Variants in CTNND2 observed in about 807,000 individuals in gnomAD.
CTNND2 encodes the protein catenin delta 2, also known as catenin delta-2.
In CTNND2, 22 loss-of-function variants were observed where a neutral mutation model predicts 144.4. That is an observed-to-expected ratio of 0.15 (90% CI 0.11 to 0.22). The LOEUF (loss-of-function observed/expected upper bound fraction) is 0.22, where lower values mean the gene tolerates loss of function less well. CTNND2 is among the 10% of genes least tolerant of loss of function. The pLI is 1.00. For synonymous variants in CTNND2, 751 were observed against 695.6 expected, an observed-to-expected ratio of 1.08 and a Z score of -1.25; for missense variants, 1,353 against 1,618.8, an observed-to-expected ratio of 0.84 and a Z score of 2.82.
chr5:11,052,876 T>G (rs1175821170), intron 16 of CTNND2, among the ~76,000 whole-genome samples: 1 of 152,136 alleles, frequency 6.6e-6, no homozygotes, highest in Non-Finnish European at 1.5e-5. Flanking sequence ...ACTTCGGGTT[T>G]GTATATTTTC....
At chr5:11,183,561 GT>G (rs397940050) in intron 11 of CTNND2, among the ~76,000 whole-genome samples, 165 of 142,280 alleles carry the variant, frequency 1.2e-3, no homozygotes, top group Middle Eastern at 3.7e-3. Flanking sequence ...TTTTTTTTTG[GT>G]TTTTTTTTTT....
intron 9 of CTNND2, among the ~76,000 whole-genome samples, chr5:11,295,030 C>T (rs550439776): frequency 3.9e-5 from 6 of 152,066 alleles, no homozygotes; most frequent in East Asian, 1.9e-4. Context: ...TAGGAAAAGA[C>T]GAAGTCAAAT....
At chr5:11,476,546 C>T (rs1019823246) in intron 3 of CTNND2, among the ~76,000 whole-genome samples, 1 of 152,110 alleles carries the variant, frequency 6.6e-6, no homozygotes, top group African/African-American at 2.4e-5. Context: ...TAAAAAACTC[C>T]ATACACTCAC....
At chr5:11,401,125 T>C (rs535320879) in intron 5 of CTNND2, among the ~76,000 whole-genome samples, 2 of 152,300 alleles carry the variant, frequency 1.3e-5, no homozygotes, top group Non-Finnish European at 1.5e-5. Context: ...TCAGAAGATG[T>C]AGAGGTTGAA....
intron 11 of CTNND2, among the ~76,000 whole-genome samples, chr5:11,163,842 T>C (rs906865080): frequency 6.6e-6 from 1 of 152,210 alleles, no homozygotes; most frequent in Non-Finnish European, 1.5e-5. Context: ...ACGTTTGCAA[T>C]TCAATAAGTG....
At position 11,449,500 on chromosome 5, in the gene CTNND2, G is replaced by A. The variant is rs560560915; in HGVS notation, c.288-37431C>T. 8.6e-4 allele frequency among the ~76,000 whole-genome samples: 131 copies of A among 152,272 alleles called. 1 individual carries two copies. Among genetic ancestry groups the A allele is most frequent in the Admixed American group, 2.4e-3 (36 of 15,298 alleles). Reference sequence around the variant, plus strand: ...GTCTCCTACCTAACATGAACGCTTAGCAGGTGGTCCTATAAACACTGGCAG... The same window carrying A: ...GTCTCCTACCTAACATGAACGCTTAACAGGTGGTCCTATAAACACTGGCAG... On this transcript the variant is annotated intron_variant, in intron 3 of 21. Transcript: ENST00000304623.
intron 9 of CTNND2, among the ~76,000 whole-genome samples, chr5:11,295,223 C>G (rs1748784712): frequency 1.3e-5 from 2 of 152,122 alleles, no homozygotes; most frequent in Admixed American, 1.3e-4. Flanking sequence ...GAGTGAACTC[C>G]CATTCACAAT....
intron 1 of CTNND2, among the ~76,000 whole-genome samples, chr5:11,778,727 G>T (rs1205955248): frequency 6.6e-6 from 1 of 152,154 alleles, no homozygotes; most frequent in African/African-American, 2.4e-5. Flanking sequence ...AAAGGAAAAG[G>T]ATACTGGAGA....
intron 12 of CTNND2, among the ~76,000 whole-genome samples, chr5:11,137,186 G>A (rs1224855475): frequency 6.6e-6 from 1 of 152,206 alleles, no homozygotes. Flanking sequence ...GTCTGGAGGA[G>A]CTGAATGACA....
chr5:11,705,856 G>C (rs961898873), intron 2 of CTNND2, among the ~76,000 whole-genome samples: 4 of 152,118 alleles, frequency 2.6e-5, no homozygotes, highest in African/African-American at 9.7e-5. Flanking sequence ...CACAGTGATG[G>C]GATGTCATAC....
At position 11,365,694 on chromosome 5, in the gene CTNND2, G is replaced by C. The variant is rs532284933; in HGVS notation, c.1178-804C>G. 6.6e-5 allele frequency among the ~76,000 whole-genome samples: 10 copies of C among 152,318 alleles called. 1 individual carries two copies. The East Asian group carries it at 7.7e-4, about 12-fold the overall frequency. ...ATCACGAGAAAGTCTCTGAAGAAAG[G>C]AAGCCTCTGTACATCAGGAAATAAG... is the stretch of plus-strand genomic sequence containing the variant. On this transcript the variant is annotated intron_variant, in intron 7 of 21. Coordinates refer to ENST00000304623, the MANE Select transcript of CTNND2 (RefSeq NM_001332.4).
chr5:11,429,135 C>T (rs1229821409), intron 3 of CTNND2, among the ~76,000 whole-genome samples: 5 of 152,012 alleles, frequency 3.3e-5, no homozygotes, highest in Non-Finnish European at 5.9e-5. Flanking sequence ...AAGGAAAATC[C>T]ACCCTTTTCA....
chr5:11,560,919 G>C (rs775386680), intron 3 of CTNND2, among the ~76,000 whole-genome samples: 4 of 152,312 alleles, frequency 2.6e-5, no homozygotes, highest in Middle Eastern at 3.4e-3. Context: ...GTAGAGGATG[G>C]ACTTGGGCTG....
intron 9 of CTNND2, among the ~76,000 whole-genome samples, chr5:11,323,917 G>A (rs1424617369): frequency 3.9e-5 from 6 of 152,100 alleles, no homozygotes; most frequent in Non-Finnish European, 7.4e-5. Flanking sequence ...AGCGAGGAAT[G>A]GGGAATCACC....
In CTNND2 at chr5:11,133,996, T is replaced by A. The variant is rs1032420855; in HGVS notation, c.2160-16429A>T. On this transcript the variant is annotated intron_variant, in intron 12 of 21. Coordinates refer to ENST00000304623, the MANE Select transcript of CTNND2 (RefSeq NM_001332.4). Reference sequence around the variant, plus strand: ...TGGGGAAGGGGCTTTGCAGGTGGAATCAAGGTTGCTAATCAGCTGACCTTA... The same window carrying A: ...TGGGGAAGGGGCTTTGCAGGTGGAAACAAGGTTGCTAATCAGCTGACCTTA... Among the ~76,000 whole-genome samples, 45 of 152,290 alleles carry A rather than the reference T, an allele frequency of 3.0e-4. 1 individual carries two copies. Among genetic ancestry groups the A allele is most frequent in the African/African-American group, 9.9e-4 (41 of 41,562 alleles).
At chr5:11,558,901 G>A (rs1418405056) in intron 3 of CTNND2, among the ~76,000 whole-genome samples, 1 of 152,114 alleles carries the variant, frequency 6.6e-6, no homozygotes, top group East Asian at 1.9e-4. Context: ...TGTAGACTAA[G>A]TAGGTAACAC....
intron 2 of CTNND2, among the ~76,000 whole-genome samples, chr5:11,663,210 T>C (rs559502935): frequency 2.6e-5 from 4 of 152,228 alleles, no homozygotes; most frequent in South Asian, 2.1e-4. Flanking sequence ...GTCTGCATAA[T>C]TGATTTGAAA....
intron 3 of CTNND2, among the ~76,000 whole-genome samples, chr5:11,509,528 CATAAG>C (rs1263964870): frequency 6.6e-6 from 1 of 152,026 alleles, no homozygotes; most frequent in Non-Finnish European, 1.5e-5. Flanking sequence ...GAGCGGATCA[CATAAG>C]AGAAGCTTGA....
intron 1 of CTNND2, among the ~76,000 whole-genome samples, chr5:11,743,311 T>C: frequency 6.6e-6 from 1 of 152,214 alleles, no homozygotes; most frequent in East Asian, 1.9e-4. Flanking sequence ...ATGTGGCATT[T>C]GAAATGATAC....
Sources: allele counts gnomAD v4.1 joint callset (sites outside exome capture counted in the v4.1 genomes callset), GRCh38; gene constraint gnomAD v4.1.1; transcripts MANE v1.5; gene names NCBI Gene and HGNC (gene_info 2026-07-23, HGNC 2026-07-21).